Variants in OR2J3 observed in about 807,000 individuals in gnomAD.
OR2J3 encodes the protein olfactory receptor family 2 subfamily J member 3.
OR2J3 carries 13 observed loss-of-function variants against 18.5 expected under a neutral mutation model. That is an observed-to-expected ratio of 0.70 (90% CI 0.46 to 1.12). The LOEUF is 1.12. OR2J3 is among the 50% of genes most tolerant of loss of function. The probability of loss-of-function intolerance (pLI) is 0.00; values close to 1 mark genes in which losing one functional copy is unlikely to be tolerated. For synonymous variants in OR2J3, 142 were observed against 140.6 expected (o/e 1.01, Z -0.07); for missense variants, 321 against 371.6 (o/e 0.86, Z 1.12).
intron 3 of OR2J3, chr6:29,111,610 G>T: frequency 2.8e-6 from 1 of 356,242 alleles, no homozygotes; most frequent in Non-Finnish European, 5.0e-6. Context: ...TCTTAACACC[G>T]TCACCCCTTC....
intron 3 of OR2J3, among the ~76,000 whole-genome samples, chr6:29,109,141 T>G (rs1762033149): frequency 6.6e-6 from 1 of 152,180 alleles, no homozygotes; most frequent in African/African-American, 2.4e-5. Flanking sequence ...CTTGGAAAAT[T>G]TTCATCTTCC....
In OR2J3 at chr6:29,112,406, T is replaced by G; in HGVS notation, c.516T>G (p.Cys172Trp). The stretch of plus-strand genomic sequence containing the variant: ...CCTTCACCTTCTGGGTACCTCTGTG[T>G]GGACACCGCCAAGTAGATCACTTTT... ...HSSFTFWVPL[C>W]GHRQVDHFFC... The change falls in exon 4 of 4, where the codon TGT (cysteine) becomes TGG (tryptophan). Residue 172 changes from cysteine (C) to tryptophan (W), a missense_variant. Cys to Trp is a radical substitution (Grantham distance 215). Coordinates refer to ENST00000641151, the MANE Select transcript of OR2J3 (RefSeq NM_001005216.4). 1 of 1,614,152 alleles carries G rather than the reference T, an allele frequency of 6.2e-7. No individual in the cohort carries two copies. The highest frequency in any genetic ancestry group is 2.2e-5 in the East Asian group (1 of 44,888).
Position 29,112,569 on chromosome 6 carries a change from G to A in OR2J3, c.679G>A (p.Ala227Thr), listed in dbSNP as rs749065244. Reference protein sequence around the residue: ...ILTSYGAIVRAILRMQSTTGL... With the variant: ...ILTSYGAIVRTILRMQSTTGL... ...CACTTCTTATGGTGCCATCGTCCGA[G>A]CTATACTGAGGATGCAGTCAACCAC... Residue 227 changes from alanine to threonine, a missense_variant, in exon 4 of 4, where the codon GCT becomes ACT. Transcript: ENST00000641151. The A allele has an allele frequency of 1.2e-6, 2 of 1,614,064 alleles. No individual in the cohort carries two copies. Among genetic ancestry groups the A allele is most frequent in the Non-Finnish European group, 1.7e-6 (2 of 1,179,988 alleles).
At position 29,112,415 on chromosome 6, in the gene OR2J3, C is replaced by T; in HGVS notation, c.525C>T (p.Arg175=). 4.3e-6 allele frequency: 7 copies of T among 1,614,102 alleles called. No individual in the cohort carries two copies. Among genetic ancestry groups the T allele is most frequent in the Non-Finnish European group, 5.9e-6 (7 of 1,180,012 alleles). Reference sequence around the variant, plus strand: ...TCTGGGTACCTCTGTGTGGACACCGCCAAGTAGATCACTTTTTCTGTGAAG... The same window carrying T: ...TCTGGGTACCTCTGTGTGGACACCGTCAAGTAGATCACTTTTTCTGTGAAG... ...FTFWVPLCGH[R]QVDHFFCEVP... is the part of the protein sequence containing the mutation. The change falls in exon 4 of 4, where the codon CGC becomes CGT. Residue 175 remains arginine (R), a synonymous_variant. Coordinates refer to ENST00000641151, the MANE Select transcript of OR2J3 (RefSeq NM_001005216.4).
At chr6:29,111,278 C>T (rs1762116694) in intron 3 of OR2J3, among the ~76,000 whole-genome samples, 2 of 152,122 alleles carry the variant, frequency 1.3e-5, no homozygotes, top group Admixed American at 1.3e-4. Flanking sequence ...GAGTTTTTCT[C>T]ATGTGTCTTC....
intron 3 of OR2J3, chr6:29,109,600 G>C (rs1371763944): frequency 6.6e-6 from 1 of 152,150 alleles, no homozygotes; most frequent in Non-Finnish European, 1.5e-5. Context: ...ATGAAATAGA[G>C]GGCATGTGGC....
chr6:29,111,591 T>C (rs1158370106), intron 3 of OR2J3: 3 of 309,738 alleles, frequency 9.7e-6, no homozygotes, highest in African/African-American at 6.5e-5. Flanking sequence ...TTGCAATCAT[T>C]TATGTTTTTC....
chr6:29,109,569 A>C (rs564760412), intron 3 of OR2J3: 1 of 152,296 alleles, frequency 6.6e-6, no homozygotes, highest in Admixed American at 6.5e-5. Flanking sequence ...GGTATAAGAA[A>C]AATAACTGAC....
intron 2 of OR2J3, 69 bp from the exon 3 acceptor site, chr6:29,108,755 T>G (rs1762017320): frequency 6.6e-6 from 1 of 152,224 alleles, no homozygotes; most frequent in Non-Finnish European, 1.5e-5. Flanking sequence ...AAGGATAACT[T>G]AAACTTTTGA....
rs1209329327 is a variant in OR2J3, at chr6:29,114,183, C to G, written c.*1357C>G. 1 of 152,164 alleles carries G rather than the reference C, an allele frequency of 6.6e-6. No homozygotes were observed. Among genetic ancestry groups the G allele is most frequent in the African/African-American group, 2.4e-5 (1 of 41,452 alleles). 9.4% of individuals were successfully genotyped at this position (152,164 alleles called of 1,614,324 possible). A position where few individuals can be genotyped will look rare whatever the true frequency, so the allele number is the denominator to read the frequency against. The stretch of plus-strand genomic sequence containing the variant: ...TCTTCCTTCTGCATCTCTGACTCTT[C>G]CTTTATTTCTAACTAGGCATGAAAA... On this transcript the variant is annotated 3_prime_UTR_variant, in exon 4 of 4. Coordinates refer to ENST00000641151, the MANE Select transcript of OR2J3 (RefSeq NM_001005216.4).
chr6:29,112,883 C>A lies in OR2J3; in HGVS notation c.*57C>A. On this transcript the variant is annotated 3_prime_UTR_variant, in exon 4 of 4. Transcript: ENST00000641151. Reference sequence around the variant, plus strand: ...AGAGTCTCCCCTCACAATGATTCATCCTTCTATTTATTTATCAACCATTCT... The same window carrying A: ...AGAGTCTCCCCTCACAATGATTCATACTTCTATTTATTTATCAACCATTCT... 1 of 1,520,774 alleles carries A rather than the reference C, an allele frequency of 6.6e-7. No homozygotes were observed. The highest frequency in any genetic ancestry group is 8.8e-7 in the Non-Finnish European group (1 of 1,137,760). 94.2% of individuals were successfully genotyped at this position (1,520,774 alleles called of 1,614,324 possible).
At position 29,112,372 on chromosome 6, in the gene OR2J3, T is replaced by G; in HGVS notation, c.482T>G (p.Leu161Arg). 5 of 1,614,120 alleles carry G rather than the reference T, an allele frequency of 3.1e-6. No homozygotes were observed. The highest frequency in any genetic ancestry group is 4.2e-6 in the Non-Finnish European group (5 of 1,180,022). ...GTAAGTGGTTTTACCAACTCAGCAC[T>G]TCATTCCTCCTTCACCTTCTGGGTA... ...SWVSGFTNSA[L>R]HSSFTFWVPL... is the part of the protein sequence containing the mutation. The change falls in exon 4 of 4, where the codon CTT (leucine) becomes CGT (arginine). Residue 161 changes from leucine (L) to arginine (R), a missense_variant. Coordinates refer to ENST00000641151, the MANE Select transcript of OR2J3 (RefSeq NM_001005216.4).
Position 29,114,266 on chromosome 6 carries a change from A to T in OR2J3, c.*1440A>T, listed in dbSNP as rs1000379909. The T allele has an allele frequency of 5.3e-5, 8 of 152,156 alleles. No individual in the cohort carries two copies. The highest frequency in any genetic ancestry group is 1.9e-4 in the African/African-American group (8 of 41,442). 9.4% of individuals were successfully genotyped at this position (152,156 alleles called of 1,614,324 possible). A position where few individuals can be genotyped will look rare whatever the true frequency, so the allele number is the denominator to read the frequency against. On this transcript the variant is annotated 3_prime_UTR_variant, in exon 4 of 4. Transcript: ENST00000641151. The stretch of plus-strand genomic sequence containing the variant: ...CCCAAGAAGTGAAGAACCAAGAATA[A>T]TGTATGTAAAATGACTTTTAGCAAG...
At position 29,112,476 on chromosome 6, in the gene OR2J3, C is replaced by T; in HGVS notation, c.586C>T (p.His196Tyr). The part of the protein sequence containing the change: ...ALLRLSCVDT[H>Y]VNELTLMITS... The stretch of plus-strand genomic sequence containing the variant: ...TCTGCGATTATCGTGTGTTGATACC[C>T]ATGTCAATGAGCTGACCCTCATGAT... The change falls in exon 4 of 4, where the codon CAT becomes TAT. Residue 196 changes from histidine to tyrosine, a missense_variant. Physicochemically the swap from His to Tyr is moderately conservative, Grantham distance 83. Transcript: ENST00000641151. 2 of 1,614,090 alleles carry T rather than the reference C, an allele frequency of 1.2e-6. No homozygotes were observed. The highest frequency in any genetic ancestry group is 8.5e-7 in the Non-Finnish European group (1 of 1,180,024).
intron 3 of OR2J3, among the ~76,000 whole-genome samples, chr6:29,110,847 C>CTATT (rs1762096612): frequency 7.5e-6 from 1 of 133,206 alleles, no homozygotes; most frequent in African/African-American, 2.7e-5. Flanking sequence ...TATCAACTAT[C>CTATT]TATCTATTTA....
At position 29,114,338 on chromosome 6, in the gene OR2J3, A is replaced by T. The variant is rs1762253640; in HGVS notation, c.*1512A>T. The T allele has an allele frequency of 6.6e-6, 1 of 152,172 alleles. No individual in the cohort carries two copies. The highest frequency in any genetic ancestry group is 2.1e-4 in the South Asian group (1 of 4,832). The allele number at this position is 152,172 out of a possible 1,614,324, so 9.4% of individuals were successfully genotyped here. A position where few individuals can be genotyped will look rare whatever the true frequency, so the allele number is the denominator to read the frequency against. On this transcript the variant is annotated 3_prime_UTR_variant, in exon 4 of 4. Transcript: ENST00000641151. ...AACATCACATAAAAACACATTTTTA[A>T]AAACTTAAAGAACATAACTTCGCCC...
rs1328549230 is a variant in OR2J3, at chr6:29,112,949, C to T, written c.*123C>T. 4 of 1,226,766 alleles carry T rather than the reference C, an allele frequency of 3.3e-6. No homozygotes were observed. Among genetic ancestry groups the T allele is most frequent in the African/African-American group, 1.5e-5 (1 of 65,666 alleles). 76.0% of individuals were successfully genotyped at this position (1,226,766 alleles called of 1,614,324 possible). A position where few individuals can be genotyped will look rare whatever the true frequency, so the allele number is the denominator to read the frequency against. ...TGTTAGCACTTGCTGAGCATGTACT[C>T]TAACAAGGTCGTGGAGTTCCTGGTA... On this transcript the variant is annotated 3_prime_UTR_variant, in exon 4 of 4. Transcript: ENST00000641151.
rs371162693 is a variant in OR2J3 at position 29,112,413 on chromosome 6, C to T, written c.523C>T (p.Arg175Cys). The T allele has an allele frequency of 6.6e-5, 107 of 1,614,078 alleles. No homozygotes were observed. The highest frequency in any genetic ancestry group is 6.5e-4 in the African/African-American group (49 of 75,020). The change falls in exon 4 of 4, where the codon CGC (arginine) becomes TGC (cysteine). Residue 175 changes from arginine to cysteine, a missense_variant. By Grantham distance (180) the Arg-to-Cys change is radical (BLOSUM62 -3). Coordinates refer to ENST00000641151, the MANE Select transcript of OR2J3 (RefSeq NM_001005216.4). ...FTFWVPLCGH[R>C]QVDHFFCEVP... ...CTTCTGGGTACCTCTGTGTGGACAC[C>T]GCCAAGTAGATCACTTTTTCTGTGA...
intron 3 of OR2J3, among the ~76,000 whole-genome samples, chr6:29,110,484 A>T (rs2150950989): frequency 6.6e-6 from 1 of 152,308 alleles, no homozygotes; most frequent in South Asian, 2.1e-4. Context: ...TTAAGAAAAT[A>T]ACCTGAAAAT....
Sources: allele counts gnomAD v4.1 joint callset (sites outside exome capture counted in the v4.1 genomes callset), GRCh38; gene constraint gnomAD v4.1.1; transcripts MANE v1.5; gene names NCBI Gene and HGNC (gene_info 2026-07-23, HGNC 2026-07-21).